ZDHHC8: variants seen among roughly 807,000 people sequenced by gnomAD.
ZDHHC8 encodes palmitoyltransferase ZDHHC8.
Under a neutral mutation model 61.2 loss-of-function variants are expected in ZDHHC8, and 24 were observed. The ratio of observed to expected loss-of-function variants is 0.39; its 90% CI spans 0.28 to 0.55. ZDHHC8 has a LOEUF of 0.55. Among genes scored for constraint, ZDHHC8 ranks in the 20% least tolerant of loss-of-function variants. The pLI is 0.60. For missense variants in ZDHHC8, 935 were observed against 1,102.1 expected, an observed-to-expected ratio of 0.85 and a Z score of 2.15; for synonymous variants, 523 against 492.5, an observed-to-expected ratio of 1.06 and a Z score of -0.82.
At chr22:20,134,933 T>A (rs894706718) in intron 1 of ZDHHC8, among the ~76,000 whole-genome samples, 1 of 151,932 alleles carries the variant, frequency 6.6e-6, no homozygotes, top group Non-Finnish European at 1.5e-5. Context: ...TAGGATTTTG[T>A]TGTTGTTTGT....
rs558058287 is a variant in ZDHHC8, at chr22:20,147,923, C to G, written c.*2523C>G. On this transcript the variant is annotated 3_prime_UTR_variant, in exon 11 of 11. Transcript: ENST00000334554. The stretch of plus-strand genomic sequence containing the variant: ...TGGCTCTACATCTCCCATTTGGGGA[C>G]GAGAAAGCCACAAAACCATTCTCTA... The G allele has an allele frequency of 6.6e-6, 1 of 152,430 alleles. No homozygotes were observed. The highest frequency in any genetic ancestry group is 1.5e-5 in the Non-Finnish European group (1 of 68,088). The allele number at this position is 152,430 out of a possible 1,614,324, so 9.4% of individuals were successfully genotyped here. A position where few individuals can be genotyped will look rare whatever the true frequency, so the allele number is the denominator to read the frequency against.
rs545014283 is a variant in ZDHHC8, at chr22:20,131,820, T to TCCGCCGCCGCCG, written c.-114_-103dup. ...CCGCCGCCCGTGGGGTGGGATTTCC[T>TCCGCCGCCGCCG]CCGCCGCCGCCGCCGCCGCCGCCGC... On this transcript the variant is annotated 5_prime_UTR_variant, in exon 1 of 11. Coordinates refer to ENST00000334554, the MANE Select transcript of ZDHHC8 (RefSeq NM_013373.4). 9 of 259,934 alleles carry TCCGCCGCCGCCG rather than the reference T, an allele frequency of 3.5e-5. 1 individual carries two copies. Among genetic ancestry groups the TCCGCCGCCGCCG allele is most frequent in the Non-Finnish European group, 5.3e-5 (9 of 170,478 alleles). 16.1% of individuals were successfully genotyped at this position (259,934 alleles called of 1,614,324 possible). A position where few individuals can be genotyped will look rare whatever the true frequency, so the allele number is the denominator to read the frequency against.
Position 20,143,081 on chromosome 22 carries a change from A to G in ZDHHC8, c.1451A>G (p.Asn484Ser). 2 of 1,612,350 alleles carry G rather than the reference A, an allele frequency of 1.2e-6. No homozygotes were observed. The highest frequency in any genetic ancestry group is 1.7e-6 in the Non-Finnish European group (2 of 1,179,822). Reference sequence around the variant, plus strand: ...AGCCTGTCCTATGACAGCCTGCTCAATCCTGGCTCGCCTGGTGGCCACGCC... The same window carrying G: ...AGCCTGTCCTATGACAGCCTGCTCAGTCCTGGCTCGCCTGGTGGCCACGCC... ...NGSLSYDSLL[N>S]PGSPGGHACP... Residue 484 changes from asparagine to serine, a missense_variant, in exon 10 of 11, where the codon AAT becomes AGT. Around this residue, in one of 3 missense-constraint regions of ZDHHC8, gnomAD observed 692 missense variants for 731.4 expected, o/e 0.95. Coordinates refer to ENST00000334554, the MANE Select transcript of ZDHHC8 (RefSeq NM_013373.4).
At position 20,140,720 on chromosome 22, in the gene ZDHHC8, C is replaced by A; in HGVS notation, c.752+12C>A. The A allele has an allele frequency of 6.2e-7, 1 of 1,607,502 alleles. No homozygotes were observed. Among genetic ancestry groups the A allele is most frequent in the Non-Finnish European group, 8.5e-7 (1 of 1,177,934 alleles). ...CCCCTGGCGCCCCGGTGAGGCCCGG[C>A]CTGGGCAGGGTGGAGGGGGGCCTCT... On this transcript the variant is annotated intron_variant, in intron 6 of 10. Coordinates refer to ENST00000334554, the MANE Select transcript of ZDHHC8 (RefSeq NM_013373.4).
chr22:20,141,618 C>T (rs1226731628), intron 9 of ZDHHC8, 88 bp downstream of exon 9: 2 of 1,118,056 alleles, frequency 1.8e-6, no homozygotes, highest in Non-Finnish European at 2.6e-6. Context: ...CCCGTGAAGG[C>T]CCCACCTCCA....
chr22:20,147,164 C>T lies in ZDHHC8; in HGVS notation c.*1764C>T. ...TGGAGCCAGGCCGCCGGGGCACCCCCACGCGGGGCCATGTGCCGCCTGCAC... is the reference window on the plus strand; with the variant it reads ...TGGAGCCAGGCCGCCGGGGCACCCCTACGCGGGGCCATGTGCCGCCTGCAC... On this transcript the variant is annotated 3_prime_UTR_variant, in exon 11 of 11. Coordinates refer to ENST00000334554, the MANE Select transcript of ZDHHC8 (RefSeq NM_013373.4). The T allele has an allele frequency of 6.5e-7, 1 of 1,531,036 alleles. No individual in the cohort carries two copies. Among genetic ancestry groups the T allele is most frequent in the Admixed American group, 2.1e-5 (1 of 48,222 alleles). 94.8% of individuals were successfully genotyped at this position (1,531,036 alleles called of 1,614,324 possible).
At chr22:20,136,894 C>T (rs936435475) in intron 1 of ZDHHC8, among the ~76,000 whole-genome samples, 4 of 152,238 alleles carry the variant, frequency 2.6e-5, no homozygotes, top group Non-Finnish European at 5.9e-5. Context: ...TGTCTTCACA[C>T]GTGTCTGTAG....
In ZDHHC8 at chr22:20,143,294, G is replaced by T. The variant is rs367683351; in HGVS notation, c.1664G>T (p.Arg555Leu). 1.2e-6 allele frequency: 2 copies of T among 1,604,172 alleles called. No individual in the cohort carries two copies. The highest frequency in any genetic ancestry group is 8.5e-7 in the Non-Finnish European group (1 of 1,178,388). Residue 555 changes from arginine to leucine, a missense_variant, in exon 10 of 11, where the codon CGC becomes CTC. By Grantham distance (102) the Arg-to-Leu change is moderately radical. Transcript: ENST00000334554. Reference protein sequence around the residue: ...SRTIMASIQERKDREERERLL... With the variant: ...SRTIMASIQELKDREERERLL... Reference sequence around the variant, plus strand: ...ACCATCATGGCATCCATCCAGGAGCGCAAGGACAGGGAGGAGCGTGAGCGC... The same window carrying T: ...ACCATCATGGCATCCATCCAGGAGCTCAAGGACAGGGAGGAGCGTGAGCGC...
intron 9 of ZDHHC8, among the ~76,000 whole-genome samples, chr22:20,142,020 G>A (rs553793891): frequency 4.6e-5 from 7 of 152,278 alleles, no homozygotes; most frequent in Admixed American, 2.6e-4. Flanking sequence ...AGTGCGGGGC[G>A]GTCTGTGCAG....
rs1432791425 is a variant in ZDHHC8, at chr22:20,140,208, C to T, written c.651C>T (p.Thr217=). The T allele has an allele frequency of 6.2e-7, 1 of 1,612,282 alleles. No individual in the cohort carries two copies. The highest frequency in any genetic ancestry group is 8.5e-7 in the Non-Finnish European group (1 of 1,179,904). The stretch of plus-strand genomic sequence containing the variant: ...TGCTGGTCACTCGGGGGCGCACCAC[C>T]AACGAGCAGGTGCAGACCCCATGGG... The part of the protein sequence containing the change: ...HVVLVTRGRT[T]NEQVTGKFRG... The change falls in exon 5 of 11, where the codon ACC becomes ACT. Residue 217 remains threonine, a synonymous_variant. Coordinates refer to ENST00000334554, the MANE Select transcript of ZDHHC8 (RefSeq NM_013373.4).
chr22:20,135,756 G>T (rs1012682625), intron 1 of ZDHHC8, among the ~76,000 whole-genome samples: 8 of 152,248 alleles, frequency 5.3e-5, no homozygotes, highest in African/African-American at 1.4e-4. Context: ...ATCTGTCCAG[G>T]TGTCTATAGG....
chr22:20,137,341 C>T (rs1282876916), intron 1 of ZDHHC8, among the ~76,000 whole-genome samples: 7 of 152,232 alleles, frequency 4.6e-5, no homozygotes, highest in South Asian at 2.1e-4. Context: ...GCCTGATGGG[C>T]GAACACACCC....
chr22:20,146,226 T>A lies in ZDHHC8; in HGVS notation c.*826T>A, dbSNP rs936215798. On this transcript the variant is annotated 3_prime_UTR_variant, in exon 11 of 11. Coordinates refer to ENST00000334554, the MANE Select transcript of ZDHHC8 (RefSeq NM_013373.4). Reference sequence around the variant, plus strand: ...AGCCCCCTCCCCAGCCCTCAGGCCCTCCCTGCCAAACTGGAGAACCCCACC... The same window carrying A: ...AGCCCCCTCCCCAGCCCTCAGGCCCACCCTGCCAAACTGGAGAACCCCACC... The A allele has an allele frequency of 3.0e-6, 3 of 985,330 alleles. No individual in the cohort carries two copies. The Admixed American group carries it at 1.8e-4, about 61-fold the overall frequency. The allele number at this position is 985,330 out of a possible 1,614,324, so 61.0% of individuals were successfully genotyped here.
At chr22:20,142,226 T>A (rs1460623998) in intron 9 of ZDHHC8, among the ~76,000 whole-genome samples, 1 of 152,114 alleles carries the variant, frequency 6.6e-6, no homozygotes, top group Non-Finnish European at 1.5e-5. Context: ...AGGGTCTGAG[T>A]CTGCAGGCAT....
At chr22:20,137,885 G>A (rs1340207140) in intron 1 of ZDHHC8, among the ~76,000 whole-genome samples, 1 of 152,260 alleles carries the variant, frequency 6.6e-6, no homozygotes, top group African/African-American at 2.4e-5. Context: ...TCCCAGCAGA[G>A]GGAGGTGTGG....
intron 9 of ZDHHC8, among the ~76,000 whole-genome samples, chr22:20,142,547 G>C (rs1403659761): frequency 2.0e-5 from 3 of 152,196 alleles, no homozygotes; most frequent in Non-Finnish European, 4.4e-5. Flanking sequence ...GTCTGCAGTA[G>C]CCAGCTGTGG....
In ZDHHC8 at chr22:20,145,454, G is replaced by A. The variant is rs1387638114; in HGVS notation, c.*54G>A. The A allele has an allele frequency of 2.2e-6, 3 of 1,361,528 alleles. No individual in the cohort carries two copies. 84.3% of individuals were successfully genotyped at this position (1,361,528 alleles called of 1,614,324 possible). On this transcript the variant is annotated 3_prime_UTR_variant, in exon 11 of 11. Coordinates refer to ENST00000334554, the MANE Select transcript of ZDHHC8 (RefSeq NM_013373.4). The stretch of plus-strand genomic sequence containing the variant: ...GCCACGGGGACCAGGACCCCACAGC[G>A]CACCCCCCCTCCCCACCAACTTCTC...
rs768548694 is a variant in ZDHHC8, at chr22:20,140,226, C to T, written c.660+9C>T. 9.9e-6 allele frequency: 16 copies of T among 1,610,012 alleles called. No individual in the cohort carries two copies. Among genetic ancestry groups the T allele is most frequent in the Non-Finnish European group, 1.4e-5 (16 of 1,179,288 alleles). On this transcript the variant is annotated intron_variant, in intron 5 of 10. Coordinates refer to ENST00000334554, the MANE Select transcript of ZDHHC8 (RefSeq NM_013373.4). ...GCACCACCAACGAGCAGGTGCAGAC[C>T]CCATGGGGGATGGGTGGCCCCAAAG...
Position 20,141,234 on chromosome 22 carries a change from C to A in ZDHHC8, c.912C>A (p.Asp304Glu), listed in dbSNP as rs776800777. The change falls in exon 8 of 11, where the codon GAC becomes GAA. Residue 304 changes from aspartate to glutamate, a missense_variant. Around this residue, in one of 3 missense-constraint regions of ZDHHC8, gnomAD observed 692 missense variants for 731.4 expected, o/e 0.95. Transcript: ENST00000334554. ...CCTCCCAGTCCAAGGGCAGCCTGGA[C>A]CGGCTGGATGAGAAGCCACTGGACT... ...LGRSKSKGSL[D>E]RLDEKPLDLG... The A allele has an allele frequency of 1.2e-6, 2 of 1,611,976 alleles. No individual in the cohort carries two copies. The highest frequency in any genetic ancestry group is 1.7e-6 in the Non-Finnish European group (2 of 1,179,700).
Sources: gnomAD v4.1 joint callset for allele counts (sites outside exome capture counted in the v4.1 genomes callset) on GRCh38, gnomAD v4.1.1 for gene constraint, gnomAD v4.1.1 regional missense constraint, MANE v1.5 for transcripts, NCBI Gene and HGNC (gene_info 2026-07-23, HGNC 2026-07-21) for gene names.